DCAF6: variants seen among roughly 807,000 people sequenced by gnomAD.
The protein encoded by DCAF6 is DDB1- and CUL4-associated factor 6.
Under a neutral mutation model 125.1 loss-of-function variants are expected in DCAF6, and 54 were observed. The observed-to-expected ratio is 0.43, with a 90% confidence interval of 0.35 to 0.54. The LOEUF is 0.54. DCAF6 is among the 20% of genes least tolerant of loss of function. The pLI is 0.01. For missense variants in DCAF6, 934 were observed against 1,161.7 expected, an observed-to-expected ratio of 0.80 and a Z score of 2.85; for synonymous variants, 371 against 390.4, an observed-to-expected ratio of 0.95 and a Z score of 0.58.
chr1:167,991,541 A>T (rs1038468714), intron 6 of DCAF6, among the ~76,000 whole-genome samples: 1 of 152,192 alleles, frequency 6.6e-6, no homozygotes, highest in African/African-American at 2.4e-5. Flanking sequence ...AAAAGTTGTA[A>T]CATTTGATGT....
At chr1:168,040,635 G>A (rs371950432) in intron 13 of DCAF6, among the ~76,000 whole-genome samples, 36 of 150,948 alleles carry the variant, frequency 2.4e-4, no homozygotes, top group African/African-American at 3.6e-4. Context: ...GTAGGTCATC[G>A]TACTTATCAC....
chr1:167,991,157 C>G (rs764220841), intron 5 of DCAF6, 47 bp from the exon 6 acceptor site: 10 of 1,453,664 alleles, frequency 6.9e-6, no homozygotes, highest in Non-Finnish European at 9.3e-6. Context: ...ATAATTTCAC[C>G]TCTGCTGTAT....
chr1:167,999,694 A>G (rs771693904), intron 7 of DCAF6, among the ~76,000 whole-genome samples: 1 of 152,116 alleles, frequency 6.6e-6, no homozygotes, highest in Non-Finnish European at 1.5e-5. Flanking sequence ...TTTATTCTAC[A>G]GCTCCCTTAC....
At chr1:167,918,908 A>G in the DCAF6 span, among the ~76,000 whole-genome samples, 27 of 152,010 alleles carry the variant, frequency 1.8e-4, no homozygotes, top group Non-Finnish European at 2.9e-5. Flanking sequence ...AAAACTTTTA[A>G]CAGCTTAGCT....
chr1:167,963,505 A>G (rs960669852), intron 2 of DCAF6, among the ~76,000 whole-genome samples: 12 of 149,206 alleles, frequency 8.0e-5, no homozygotes, highest in African/African-American at 2.7e-4. Context: ...GAGTGGTTCA[A>G]TCTCAGCTCA....
At chr1:167,995,336 G>A (rs1430736722) in intron 7 of DCAF6, among the ~76,000 whole-genome samples, 2 of 152,070 alleles carry the variant, frequency 1.3e-5, no homozygotes, top group African/African-American at 4.8e-5. Context: ...CCTTGGTCTT[G>A]TTTGTTGCAT....
chr1:167,901,729 G>A, the DCAF6 span: 3 of 1,614,096 alleles, frequency 1.9e-6, no homozygotes, highest in Non-Finnish European at 2.5e-6. Flanking sequence ...GGATCTCCAG[G>A]CTACATTTAA....
intron 11 of DCAF6, among the ~76,000 whole-genome samples, chr1:168,020,298 G>C (rs1284415092): frequency 6.6e-6 from 1 of 152,130 alleles, no homozygotes; most frequent in Non-Finnish European, 1.5e-5. Flanking sequence ...ATATTACTGA[G>C]TAGAAAAACC....
intron 3 of DCAF6, among the ~76,000 whole-genome samples, chr1:167,967,009 G>T (rs929058778): frequency 6.6e-6 from 1 of 151,944 alleles, no homozygotes; most frequent in Non-Finnish European, 1.5e-5. Flanking sequence ...TTTTTTGGGG[G>T]AAAATGTGCC....
At chr1:168,001,947 A>C (rs1419094421) in intron 7 of DCAF6, among the ~76,000 whole-genome samples, 1 of 152,142 alleles carries the variant, frequency 6.6e-6, no homozygotes, top group African/African-American at 2.4e-5. Context: ...TTAAGAGGGC[A>C]AGAATGAGGG....
chr1:168,053,868 A>G (rs530091718), intron 17 of DCAF6, among the ~76,000 whole-genome samples: 1 of 152,306 alleles, frequency 6.6e-6, no homozygotes, highest in South Asian at 2.1e-4. Context: ...TAACATGCCA[A>G]AAGTCAAGTT....
At chr1:167,922,563 G>C in the DCAF6 span, among the ~76,000 whole-genome samples, 1 of 151,900 alleles carries the variant, frequency 6.6e-6, no homozygotes, top group Non-Finnish European at 1.5e-5. Flanking sequence ...ATTAGTATAG[G>C]GGGTTTTAGG....
At chr1:168,007,763 T>G (rs958717029) in intron 10 of DCAF6, among the ~76,000 whole-genome samples, 1 of 152,070 alleles carries the variant, frequency 6.6e-6, no homozygotes, top group African/African-American at 2.4e-5. Flanking sequence ...CCCCTTAGTT[T>G]GGGCTCTCTT....
chr1:168,072,339 T>C (rs1693215090), intron 21 of DCAF6, among the ~76,000 whole-genome samples: 1 of 142,836 alleles, frequency 7.0e-6, no homozygotes, highest in Non-Finnish European at 1.5e-5. Context: ...AAGAAAAGTC[T>C]TCCCTGGTCA....
intron 2 of DCAF6, among the ~76,000 whole-genome samples, chr1:167,960,513 A>G (rs901511022): frequency 2.0e-5 from 3 of 151,978 alleles, no homozygotes; most frequent in Non-Finnish European, 4.4e-5. Flanking sequence ...ACCACCAGCC[A>G]GGCTGGTCTC....
chr1:168,016,763 A>C (rs1305217320), intron 11 of DCAF6, among the ~76,000 whole-genome samples: 1 of 152,110 alleles, frequency 6.6e-6, no homozygotes, highest in Non-Finnish European at 1.5e-5. Flanking sequence ...GTATTATATA[A>C]ATACTATAGT....
intron 7 of DCAF6, 112 bp downstream of exon 7, chr1:167,993,552 C>A: frequency 1.3e-6 from 1 of 764,832 alleles, no homozygotes; most frequent in Non-Finnish European, 2.1e-6. Context: ...GAGTTTGCAA[C>A]CAGCCTGACC....
the DCAF6 span, among the ~76,000 whole-genome samples, chr1:167,891,780 G>A: frequency 1.3e-5 from 2 of 151,862 alleles, no homozygotes; most frequent in South Asian, 2.1e-4. Context: ...CTTTCTCCCC[G>A]AAATAGCACA....
At chr1:167,958,149 G>A (rs535324587) in intron 2 of DCAF6, among the ~76,000 whole-genome samples, 2 of 152,204 alleles carry the variant, frequency 1.3e-5, no homozygotes, top group African/African-American at 4.8e-5. Flanking sequence ...TAATTTTGGT[G>A]AAGTCTAATT....
Sources: allele counts gnomAD v4.1 joint callset (sites outside exome capture counted in the v4.1 genomes callset), GRCh38; gene constraint gnomAD v4.1.1; transcripts MANE v1.5; gene names NCBI Gene and HGNC (gene_info 2026-07-23, HGNC 2026-07-21).